Variants in CCSER2 observed in about 807,000 individuals in gnomAD.
The protein encoded by CCSER2 is coiled-coil serine rich protein 2, also known as serine-rich coiled-coil domain-containing protein 2.
CCSER2 carries 46 observed loss-of-function variants against 92.3 expected under a neutral mutation model. The observed-to-expected ratio is 0.50, with a 90% confidence interval of 0.39 to 0.64. The LOEUF (loss-of-function observed/expected upper bound fraction) is 0.64, where lower values mean the gene tolerates loss of function less well. Among genes scored for constraint, CCSER2 ranks in the 30% least tolerant of loss-of-function variants. CCSER2 has a pLI of 0.00. For missense variants in CCSER2, 1,244 were observed against 1,238.9 expected (o/e 1.00, Z -0.06); for synonymous variants, 433 against 431.4 (o/e 1.00, Z -0.04).
intron 7 of CCSER2, among the ~76,000 whole-genome samples, chr10:84,466,923 A>AG (rs1846480893): frequency 1.3e-5 from 2 of 152,048 alleles, no homozygotes; most frequent in Admixed American, 1.3e-4. Context: ...CTGTGTTCTT[A>AG]ACTCTTGTCT....
chr10:84,451,437 C>T (rs564997257), intron 6 of CCSER2, among the ~76,000 whole-genome samples: 1 of 151,728 alleles, frequency 6.6e-6, no homozygotes, highest in Non-Finnish European at 1.5e-5. Flanking sequence ...CGTGCCGTTG[C>T]GTCCACCTGC....
At chr10:84,438,154 TAAAC>T (rs576944822) in intron 5 of CCSER2, among the ~76,000 whole-genome samples, 124 of 152,268 alleles carry the variant, frequency 8.1e-4, no homozygotes, top group Admixed American at 1.6e-3. Context: ...TTTAAGAAGT[TAAAC>T]AAAGTTAAAA....
chr10:84,375,363 A>G (rs1327852029), intron 3 of CCSER2, among the ~76,000 whole-genome samples: 3 of 152,144 alleles, frequency 2.0e-5, no homozygotes, highest in Non-Finnish European at 4.4e-5. Context: ...CTTCTGATCT[A>G]AGGAGAAGAT....
chr10:84,472,031 A>C (rs952858298), intron 8 of CCSER2, among the ~76,000 whole-genome samples: 1 of 152,092 alleles, frequency 6.6e-6, no homozygotes, highest in Admixed American at 6.6e-5. Context: ...AGTAGGTTGG[A>C]ATAAAGTATC....
chr10:84,507,368 T>A lies in CCSER2; in HGVS notation c.2326-6081T>A, dbSNP rs190529352. 5,697 of 965,452 alleles carry A rather than the reference T, an allele frequency of 5.9e-3. 26 individuals are homozygous for A. The highest frequency in any genetic ancestry group is 6.6e-3 in the Non-Finnish European group (5,391 of 811,760). The allele number at this position is 965,452 out of a possible 1,614,324, so 59.8% of individuals were successfully genotyped here. ...AATTTCGGATTTTTTCCTACCACCT[T>A]CCTCATAATCACTTTTTTTGGTTTT... On this transcript the variant is annotated intron_variant, in intron 9 of 9. Transcript: ENST00000372088.
intron 9 of CCSER2, among the ~76,000 whole-genome samples, chr10:84,504,256 A>C (rs1848924741): frequency 6.6e-6 from 1 of 151,678 alleles, no homozygotes; most frequent in South Asian, 2.1e-4. Context: ...AGTGTAGATA[A>C]TTTAATGTGC....
intron 4 of CCSER2, among the ~76,000 whole-genome samples, chr10:84,420,752 T>G (rs1843101218): frequency 6.6e-6 from 1 of 151,916 alleles, no homozygotes; most frequent in African/African-American, 2.4e-5. Context: ...GCTAACATGG[T>G]GAAACCCTGT....
chr10:84,501,399 G>A (rs1848711273), intron 9 of CCSER2, among the ~76,000 whole-genome samples: 1 of 152,088 alleles, frequency 6.6e-6, no homozygotes, highest in Non-Finnish European at 1.5e-5. Flanking sequence ...CTTTTAGCCT[G>A]TATCCTTTTT....
chr10:84,505,532 T>C lies in CCSER2; in HGVS notation c.2326-7917T>C, dbSNP rs148268184. Among the ~76,000 whole-genome samples the C allele has an allele frequency of 2.5e-3, 384 of 152,332 alleles. 2 individuals carry two copies. The highest frequency in any genetic ancestry group is 8.5e-3 in the African/African-American group (353 of 41,580). ...AGCTTCAGCTTCCTTAGAAATTAGC[T>C]CTGGGAGTGACTTTTCATAAAAATA... On this transcript the variant is annotated intron_variant, in intron 9 of 9. Coordinates refer to ENST00000372088, the MANE Select transcript of CCSER2 (RefSeq NM_001284240.2).
intron 3 of CCSER2, among the ~76,000 whole-genome samples, chr10:84,374,873 A>G (rs906085946): frequency 6.0e-4 from 91 of 152,166 alleles, no homozygotes; most frequent in African/African-American, 2.2e-3. Flanking sequence ...GTAATTTTCT[A>G]TACTCCTATA....
chr10:84,396,781 CCCGTCTTGG>C (rs1841865489), intron 3 of CCSER2, among the ~76,000 whole-genome samples: 1 of 152,128 alleles, frequency 6.6e-6, no homozygotes, highest in Non-Finnish European at 1.5e-5. Context: ...AAGTGATCGA[CCCGTCTTGG>C]CCTTCCAAAG....
intron 1 of CCSER2, among the ~76,000 whole-genome samples, chr10:84,335,721 GTCA>G (rs1843802060): frequency 6.6e-6 from 1 of 152,178 alleles, no homozygotes; most frequent in Non-Finnish European, 1.5e-5. Context: ...AATTGTTGTT[GTCA>G]TCATATTAAT....
intron 1 of CCSER2, among the ~76,000 whole-genome samples, chr10:84,346,435 G>C (rs61865014): frequency 0.21 from 31,907 of 151,772 alleles, 3,608 homozygotes; most frequent in Admixed American, 0.34. Flanking sequence ...CTTCAAGGAG[G>C]TCTCAGTCTA....
chr10:84,379,030 A>G (rs946501835), intron 3 of CCSER2, among the ~76,000 whole-genome samples: 1 of 152,280 alleles, frequency 6.6e-6, no homozygotes, highest in African/African-American at 2.4e-5. Flanking sequence ...CTGTCCTTTG[A>G]AAGAATTTGT....
At chr10:84,490,051 A>G (rs1157553043) in intron 9 of CCSER2, among the ~76,000 whole-genome samples, 1 of 152,188 alleles carries the variant, frequency 6.6e-6, no homozygotes, top group Non-Finnish European at 1.5e-5. Context: ...TTTCTTTAAG[A>G]ATGTTGAATA....
At chr10:84,349,458 G>A (rs1844741967) in intron 1 of CCSER2, among the ~76,000 whole-genome samples, 1 of 151,790 alleles carries the variant, frequency 6.6e-6, no homozygotes, top group Non-Finnish European at 1.5e-5. Context: ...CTTGAGCTCC[G>A]GAGTTCGAGA....
chr10:84,386,008 T>C (rs1160689780), intron 3 of CCSER2, among the ~76,000 whole-genome samples: 1 of 151,890 alleles, frequency 6.6e-6, no homozygotes, highest in African/African-American at 2.4e-5. Context: ...ATTAAAGAGA[T>C]GCAAATCAAA....
intron 9 of CCSER2, among the ~76,000 whole-genome samples, chr10:84,494,844 C>G (rs1848359448): frequency 6.6e-6 from 1 of 152,138 alleles, no homozygotes; most frequent in Non-Finnish European, 1.5e-5. Context: ...GGGGTCTGAT[C>G]CAGACCCCAA....
At chr10:84,494,998 TC>T (rs1564723529) in intron 9 of CCSER2, among the ~76,000 whole-genome samples, 3 of 149,166 alleles carry the variant, frequency 2.0e-5, no homozygotes, top group Non-Finnish European at 3.0e-5. Context: ...TTTTCTTTCT[TC>T]TTACTTTGGG....
Sources: allele counts gnomAD v4.1 joint callset (sites outside exome capture counted in the v4.1 genomes callset), GRCh38; gene constraint gnomAD v4.1.1; transcripts MANE v1.5; gene names NCBI Gene and HGNC (gene_info 2026-07-23, HGNC 2026-07-21).